Variants in SPIRE1 observed in about 807,000 individuals in gnomAD.
SPIRE1 encodes protein spire homolog 1.
A neutral mutation model predicts 94.1 loss-of-function variants in SPIRE1; 40 were observed. The observed-to-expected ratio is 0.43, with a 90% CI of 0.33 to 0.55. SPIRE1 has a LOEUF of 0.55. SPIRE1 is among the 20% of genes least tolerant of loss of function. SPIRE1 has a pLI of 0.06. For missense variants in SPIRE1, 838 were observed against 975.2 expected (o/e 0.86, Z 1.87); for synonymous variants, 376 against 371.7 (o/e 1.01, Z -0.13).
chr18:12,559,824 G>A lies in SPIRE1; in HGVS notation c.373-12920C>T, dbSNP rs984216315. 1.3e-5 allele frequency among the ~76,000 whole-genome samples: 2 copies of A among 152,162 alleles called. No individual in the cohort carries two copies. Among genetic ancestry groups the A allele is most frequent in the African/African-American group, 4.8e-5 (2 of 41,410 alleles). Reference sequence around the variant, plus strand: ...TGAAGAAACAACCCAAAGAACGGGAGAAAATATGTGCAAACTGTCCATCTG... The same window carrying A: ...TGAAGAAACAACCCAAAGAACGGGAAAAAATATGTGCAAACTGTCCATCTG... On this transcript the variant is annotated intron_variant, in intron 2 of 16. Transcript: ENST00000409402. This position sits in a 1 kb window ranked among gnomAD's most constrained non-coding sequence, Gnocchi z 4.7.
chr18:12,513,219 G>A (rs1219080234), intron 4 of SPIRE1, among the ~76,000 whole-genome samples: 1 of 152,104 alleles, frequency 6.6e-6, no homozygotes, highest in African/African-American at 2.4e-5. Context: ...TGATAAAAAT[G>A]CCTCAAACTG....
intron 6 of SPIRE1, among the ~76,000 whole-genome samples, chr18:12,500,414 C>T (rs1181845310): frequency 1.3e-5 from 2 of 152,132 alleles, no homozygotes; most frequent in Admixed American, 1.3e-4. Flanking sequence ...AATGAGACAT[C>T]ATATCACACT....
rs1040018108 is a variant in SPIRE1 at position 12,464,948 on chromosome 18, A to G, written c.1415T>C (p.Leu472Pro). Residue 472 changes from leucine to proline, a missense_variant, in exon 11 of 17, where the codon CTG (leucine) becomes CCG (proline). Physicochemically the swap from Leu to Pro is moderately conservative, Grantham distance 98. Transcript: ENST00000409402. ...GCTGCTGCTGCTGGTCGACTTGTGC[A>G]GCGTTTCTTCCTGAGCAAAGTACAG... is the stretch of plus-strand genomic sequence containing the variant. ...LDSSESEEETLHKSTSSSSVS... is the reference protein window; with the variant it reads ...LDSSESEEETPHKSTSSSSVS... 6 of 1,613,934 alleles carry G rather than the reference A, an allele frequency of 3.7e-6. No individual in the cohort carries two copies. Among genetic ancestry groups the G allele is most frequent in the Admixed American group, 3.3e-5 (2 of 59,984 alleles).
intron 10 of SPIRE1, among the ~76,000 whole-genome samples, chr18:12,469,598 ATATATTTATT>A (rs1164082837): frequency 2.1e-5 from 3 of 145,058 alleles, no homozygotes; most frequent in South Asian, 2.1e-4. Context: ...TATATTATTT[ATATATTTATT>A]TATATTTATA....
intron 2 of SPIRE1, among the ~76,000 whole-genome samples, chr18:12,607,818 C>T (rs1467526014): frequency 6.6e-6 from 1 of 151,960 alleles, no homozygotes; most frequent in Non-Finnish European, 1.5e-5. Flanking sequence ...TGACGGCTAC[C>T]CCCATACCCT....
chr18:12,556,605 G>C (rs2035513901), intron 2 of SPIRE1, among the ~76,000 whole-genome samples: 2 of 152,160 alleles, frequency 1.3e-5, no homozygotes, highest in Admixed American at 1.3e-4. Flanking sequence ...GGCTTCAGGA[G>C]TGAAGCTGCA....
chr18:12,505,423 A>T (rs2033794583), intron 6 of SPIRE1, among the ~76,000 whole-genome samples: 1 of 152,024 alleles, frequency 6.6e-6, no homozygotes, highest in Admixed American at 6.6e-5. Context: ...ATGGTGGCGC[A>T]CACCTGTGGT....
At chr18:12,575,246 A>C (rs1174227926) in intron 2 of SPIRE1, among the ~76,000 whole-genome samples, 2 of 152,176 alleles carry the variant, frequency 1.3e-5, no homozygotes, top group Non-Finnish European at 2.9e-5. Flanking sequence ...AGTTTGACAA[A>C]CTAGATCCTC....
chr18:12,657,245 C>A, intron 1 of SPIRE1, among the ~76,000 whole-genome samples: 1 of 147,932 alleles, frequency 6.8e-6, no homozygotes, highest in East Asian at 1.9e-4. Flanking sequence ...GCGGGCAGCA[C>A]AATGACGAGC....
chr18:12,634,559 C>T (rs911105195), intron 2 of SPIRE1, among the ~76,000 whole-genome samples: 3 of 152,048 alleles, frequency 2.0e-5, no homozygotes, highest in Admixed American at 1.3e-4. Context: ...CACAACCTGA[C>T]GTTACAAAAA....
In SPIRE1 at chr18:12,454,409, CACCAGG is replaced by C. The variant is rs746729881; in HGVS notation, c.1707_1712del (p.Leu570_Val571del). On this transcript the variant is annotated inframe_deletion, in exon 13 of 17. Transcript: ENST00000409402. ...GTTGGTATTTTTCCAGCTCTGCCTT[CACCAGG>C]ACCTGGCGAATATGCATCACTTCTT... The C allele has an allele frequency of 8.1e-6, 13 of 1,614,038 alleles. No homozygotes were observed. The Admixed American group carries it at 2.0e-4, about 25-fold the overall frequency.
chr18:12,595,801 A>G (rs535367553), intron 2 of SPIRE1, among the ~76,000 whole-genome samples: 1 of 152,382 alleles, frequency 6.6e-6, no homozygotes, highest in East Asian at 1.9e-4. Flanking sequence ...ATCACAAAAT[A>G]CTATGGAAGT....
intron 5 of SPIRE1, among the ~76,000 whole-genome samples, chr18:12,508,631 T>C (rs2144001107): frequency 6.6e-6 from 1 of 152,162 alleles, no homozygotes; most frequent in African/African-American, 2.4e-5. Context: ...TTACCCACAT[T>C]AGAAACTTTT....
chr18:12,584,817 T>C (rs774885638), intron 2 of SPIRE1, among the ~76,000 whole-genome samples: 3 of 152,074 alleles, frequency 2.0e-5, no homozygotes, highest in Non-Finnish European at 2.9e-5. Context: ...TCTCGCCCTG[T>C]TGCCCAGGCT....
intron 2 of SPIRE1, among the ~76,000 whole-genome samples, chr18:12,579,543 G>A (rs1456158201): frequency 6.6e-6 from 1 of 152,184 alleles, no homozygotes; most frequent in Admixed American, 6.5e-5. Flanking sequence ...GGAATGATGA[G>A]AAAGTTTGGG....
intron 10 of SPIRE1, among the ~76,000 whole-genome samples, chr18:12,467,264 C>T (rs2032148712): frequency 6.6e-6 from 1 of 152,024 alleles, no homozygotes; most frequent in East Asian, 1.9e-4. Context: ...GGCGACAGAG[C>T]AAGACTCTGT....
intron 7 of SPIRE1, among the ~76,000 whole-genome samples, chr18:12,494,140 C>T (rs1010680632): frequency 1.2e-4 from 18 of 151,930 alleles, no homozygotes; most frequent in Non-Finnish European, 4.4e-5. Flanking sequence ...TTTGAATTCC[C>T]GGGCCCAAGC....
chr18:12,527,532 A>T (rs576518860), intron 4 of SPIRE1, among the ~76,000 whole-genome samples: 2 of 152,316 alleles, frequency 1.3e-5, no homozygotes, highest in East Asian at 3.9e-4. Context: ...TCTTCCCCCA[A>T]GTACATAAAT....
rs188302265 is a variant in SPIRE1 at position 12,623,055 on chromosome 18, G to C, written c.372+12007C>G. 4.6e-5 allele frequency among the ~76,000 whole-genome samples: 7 copies of C among 152,146 alleles called. No individual in the cohort carries two copies. In the East Asian group the frequency reaches 1.3e-3, roughly 29 times the overall value. The stretch of plus-strand genomic sequence containing the variant: ...TTATGTACCTAAGGGAAGAGATGCC[G>C]AGAAAAATACTCTAAACAGCCACTA... On this transcript the variant is annotated intron_variant, in intron 2 of 16. Coordinates refer to ENST00000409402, the MANE Select transcript of SPIRE1 (RefSeq NM_001128626.2).
Sources: gnomAD v4.1 joint callset for allele counts (sites outside exome capture counted in the v4.1 genomes callset) on GRCh38, gnomAD v4.1.1 for gene constraint, Gnocchi (gnomAD v3.1) non-coding constraint, MANE v1.5 for transcripts, NCBI Gene and HGNC (gene_info 2026-07-23, HGNC 2026-07-21) for gene names.